Variants in EEF1D observed in about 807,000 individuals in gnomAD.
The protein encoded by EEF1D is elongation factor 1-delta.
In EEF1D, 47 loss-of-function variants were observed where a neutral mutation model predicts 63.9. The ratio of observed to expected loss-of-function variants is 0.74; its 90% CI spans 0.58 to 0.94. EEF1D has a LOEUF of 0.94. Ranked by LOEUF, EEF1D falls within the 40% of genes least tolerant of loss-of-function variation. EEF1D has a pLI of 0.00. For missense variants in EEF1D, 907 were observed against 899.0 expected (o/e 1.01, Z -0.11); for synonymous variants, 412 against 386.1 (o/e 1.07, Z -0.79).
chr8:143,581,463 A>AG lies in EEF1D; in HGVS notation c.1288-136dup, dbSNP rs138340554. ...CAGGAGGTGCCCCCCGCTGATGCCC[A>AG]GCTCAAACTTATGACCTCAGAGGTG... On this transcript the variant is annotated intron_variant, in intron 5 of 9. Transcript: ENST00000618139. 3,066 of 736,712 alleles carry AG rather than the reference A, an allele frequency of 4.2e-3. 56 individuals carry two copies. The African/African-American group carries it at 0.047, about 11-fold the overall frequency. 45.6% of individuals were successfully genotyped at this position (736,712 alleles called of 1,614,324 possible).
chr8:143,594,677 G>C (rs1828504281), intron 1 of EEF1D, among the ~76,000 whole-genome samples: 2 of 152,328 alleles, frequency 1.3e-5, no homozygotes, highest in South Asian at 2.1e-4. Flanking sequence ...CACCGGCTCA[G>C]CCTGTGCACG....
In EEF1D at chr8:143,580,066, G is replaced by A. The variant is rs142515892; in HGVS notation, c.1851C>T (p.Asp617=). 4.1e-5 allele frequency: 66 copies of A among 1,613,922 alleles called. No homozygotes were observed. The East Asian group carries it at 7.8e-4, about 19-fold the overall frequency. Reference sequence around the variant, plus strand: ...CCAGCAAGTCTGTCCCCACCTTGTCGTCCTCCACCACACACTGAATCTGTA... The same window carrying A: ...CCAGCAAGTCTGTCCCCACCTTGTCATCCTCCACCACACACTGAATCTGTA... The part of the protein sequence containing the change: ...RKLQIQCVVE[D]DKVGTDLLEE... The change falls in exon 9 of 10, where the codon GAC becomes GAT. Residue 617 remains aspartate (D), a synonymous_variant. Coordinates refer to ENST00000618139, the MANE Select transcript of EEF1D (RefSeq NM_001130053.5).
rs766067734 is a variant in EEF1D at position 143,580,716 on chromosome 8, G to A, written c.1500C>T (p.Pro500=). The change falls in exon 8 of 10, where the codon CCC becomes CCT. Residue 500 remains proline (P), a synonymous_variant. Transcript: ENST00000618139. The stretch of plus-strand genomic sequence containing the variant: ...TGGCTGGGGGCTCCACTTGGCGCAT[G>A]GGAGATACGTGCTGCCACAGGGGAA... ...ATAPQTQHVS[P]MRQVEPPAKK... 1 of 1,613,276 alleles carries A rather than the reference G, an allele frequency of 6.2e-7. No homozygotes were observed. Among genetic ancestry groups the A allele is most frequent in the South Asian group, 1.1e-5 (1 of 91,086 alleles).
chr8:143,587,699 A>G (rs554655141), intron 3 of EEF1D: 2 of 152,358 alleles, frequency 1.3e-5, no homozygotes, highest in African/African-American at 4.8e-5. Flanking sequence ...GGGTCCTGAG[A>G]GCAAGAAGGT....
chr8:143,594,029 G>T, intron 1 of EEF1D: 1 of 521,272 alleles, frequency 1.9e-6, no homozygotes, highest in Non-Finnish European at 2.5e-6. Context: ...CAAACGGTCA[G>T]CCCCTTCGCT....
At chr8:143,579,917 TGGGACTCGCTCCCCACTGCCGTGGGG>T (rs1480355836) in intron 9 of EEF1D, 69 bp downstream of exon 9, 2 of 1,549,844 alleles carry the variant, frequency 1.3e-6, no homozygotes, top group Admixed American at 3.7e-5. Context: ...GGGTTCACTC[TGGGACTCGCTCCCCACTGCCGTGGGG>T]TGGAGTGCAG....
In EEF1D at chr8:143,590,675, C is replaced by T. The variant is rs533408908; in HGVS notation, c.1-594G>A. The T allele has an allele frequency of 3.1e-5, 22 of 716,728 alleles. No individual in the cohort carries two copies. In the South Asian group the frequency reaches 4.9e-4, roughly 16 times the overall value. 44.4% of individuals were successfully genotyped at this position (716,728 alleles called of 1,614,324 possible). On this transcript the variant is annotated intron_variant, in intron 2 of 9. Coordinates refer to ENST00000618139, the MANE Select transcript of EEF1D (RefSeq NM_001130053.5). Reference sequence around the variant, plus strand: ...ATCCCAACACTTTGGGAGGCCGAGGCGGGCGGATCACAGGGTCTGGAGACT... The same window carrying T: ...ATCCCAACACTTTGGGAGGCCGAGGTGGGCGGATCACAGGGTCTGGAGACT...
intron 2 of EEF1D, among the ~76,000 whole-genome samples, chr8:143,592,440 G>T (rs892136334): frequency 2.6e-5 from 4 of 151,902 alleles, no homozygotes; most frequent in African/African-American, 9.7e-5. Context: ...CCCAGGACAG[G>T]ACCCTGCTCA....
In EEF1D at chr8:143,581,316, C is replaced by T. The variant is rs1825508262; in HGVS notation, c.1300G>A (p.Gly434Arg). The change falls in exon 6 of 10, where the codon GGG becomes AGG. Residue 434 changes from glycine (G) to arginine (R), a missense_variant. By Grantham distance (125) the Gly-to-Arg change is moderately radical. Coordinates refer to ENST00000618139, the MANE Select transcript of EEF1D (RefSeq NM_001130053.5). ...QKSLAGSSGP[G>R]ASSGTSGDHG... is the part of the protein sequence containing the mutation. Reference sequence around the variant, plus strand: ...TCTCCGCTGGTGCCGCTGGAGGCCCCGGGGCCTGAGCTCTGCAAGGCAGGA... The same window carrying T: ...TCTCCGCTGGTGCCGCTGGAGGCCCTGGGGCCTGAGCTCTGCAAGGCAGGA... 3.7e-6 allele frequency: 6 copies of T among 1,611,222 alleles called. No individual in the cohort carries two copies. The highest frequency in any genetic ancestry group is 5.1e-6 in the Non-Finnish European group (6 of 1,179,808).
rs1412151688 is a variant in EEF1D, at chr8:143,580,586, G to A, written c.1630C>T (p.Arg544Trp). 6 of 1,613,468 alleles carry A rather than the reference G, an allele frequency of 3.7e-6. No individual in the cohort carries two copies. The highest frequency in any genetic ancestry group is 1.7e-5 in the Admixed American group (1 of 59,996). Residue 544 changes from arginine to tryptophan, a missense_variant, in exon 8 of 10, where the codon CGG (arginine) becomes TGG (tryptophan). Coordinates refer to ENST00000618139, the MANE Select transcript of EEF1D (RefSeq NM_001130053.5). ...DKEAAQLREE[R>W]LRQYAEKKAK... Reference sequence around the variant, plus strand: ...TTCTTCTCCGCGTACTGCCGTAGCCGCTCCTCCCGCAGCTGTGCCGCCTCC... The same window carrying A: ...TTCTTCTCCGCGTACTGCCGTAGCCACTCCTCCCGCAGCTGTGCCGCCTCC...
At position 143,579,836 on chromosome 8, in the gene EEF1D, G is replaced by A. The variant is rs772241821; in HGVS notation, c.1906-6C>T. The A allele has an allele frequency of 2.6e-6, 4 of 1,561,414 alleles. No individual in the cohort carries two copies. The highest frequency in any genetic ancestry group is 3.5e-6 in the Non-Finnish European group (4 of 1,150,902). On this transcript the variant is annotated splice_region_variant and splice_polypyrimidine_tract_variant and intron_variant, in intron 9 of 9. Transcript: ENST00000618139. ...GCGATATCGACACTCTGCACCTGAG[G>A]AGAGGCGGAGGGTGACGGTCAGGGC... is the stretch of plus-strand genomic sequence containing the variant.
Position 143,581,336 on chromosome 8 carries a change from G to T in EEF1D, c.1288-8C>A. 1 of 1,608,906 alleles carries T rather than the reference G, an allele frequency of 6.2e-7. No individual in the cohort carries two copies. The highest frequency in any genetic ancestry group is 1.1e-5 in the South Asian group (1 of 90,632). ...GGCCCCGGGGCCTGAGCTCTGCAAGGCAGGAGGAGGGGAGGGCTCAGTGCC... is the reference window on the plus strand; with the variant it reads ...GGCCCCGGGGCCTGAGCTCTGCAAGTCAGGAGGAGGGGAGGGCTCAGTGCC... On this transcript the variant is annotated splice_polypyrimidine_tract_variant and splice_region_variant and intron_variant, in intron 5 of 9. Transcript: ENST00000618139.
Position 143,581,236 on chromosome 8 carries a change from C to G in EEF1D, c.1380G>C (p.Leu460=), listed in dbSNP as rs11548164. ...ACTGGCCCGGGGCCTCACCGCCACG[C>G]AGACTCTGGTTCTCCACTTCCAGAC... ...IASLEVENQS[L]RGVVQELQQA... The change falls in exon 6 of 10, where the codon CTG becomes CTC. Residue 460 remains leucine (L), a synonymous_variant. Coordinates refer to ENST00000618139, the MANE Select transcript of EEF1D (RefSeq NM_001130053.5). 1.9e-6 allele frequency: 3 copies of G among 1,612,780 alleles called. No homozygotes were observed. The highest frequency in any genetic ancestry group is 2.5e-6 in the Non-Finnish European group (3 of 1,179,964).
chr8:143,582,543 TC>T (rs1587113609), intron 5 of EEF1D: 1 of 152,248 alleles, frequency 6.6e-6, no homozygotes, highest in African/African-American at 2.4e-5. Flanking sequence ...ACCTGAGGCC[TC>T]ATGCACCCCA....
Position 143,580,684 on chromosome 8 carries a change from G to A in EEF1D, c.1532C>T (p.Pro511Leu). 6.2e-7 allele frequency: 1 copy of A among 1,613,884 alleles called. No individual in the cohort carries two copies. The highest frequency in any genetic ancestry group is 8.5e-7 in the Non-Finnish European group (1 of 1,180,000). Residue 511 changes from proline to leucine, a missense_variant, in exon 8 of 10, where the codon CCA becomes CTA. Pro to Leu is a moderately conservative substitution (Grantham distance 98). Transcript: ENST00000618139. ...CTCGTCATCCTCTGCTGGTGTGGCT[G>A]GCTTCTTGGCTGGGGGCTCCACTTG... ...MRQVEPPAKK[P>L]ATPAEDDEDD...
chr8:143,586,530 C>A (rs1281361356), intron 4 of EEF1D, among the ~76,000 whole-genome samples, 199 bp downstream of exon 4: 2 of 152,154 alleles, frequency 1.3e-5, no homozygotes, highest in Non-Finnish European at 2.9e-5. Context: ...GCACAGGCGC[C>A]GGCAGGAGGG....
intron 3 of EEF1D, 167 bp downstream of exon 3, chr8:143,588,821 GCAC>G (rs1827225946): frequency 1.1e-6 from 1 of 910,322 alleles, no homozygotes; most frequent in Non-Finnish European, 1.6e-6. Context: ...CACAAGCGCA[GCAC>G]CACCTTTACT....
chr8:143,580,369 GT>G, intron 8 of EEF1D, 136 bp downstream of exon 8: 1 of 1,276,476 alleles, frequency 7.8e-7, no homozygotes, highest in Non-Finnish European at 1.1e-6. Context: ...CCAAGTTTGT[GT>G]TTATCCCAAG....
intron 1 of EEF1D, chr8:143,593,887 G>C (rs1378436819): frequency 1.0e-6 from 1 of 985,328 alleles, no homozygotes; most frequent in East Asian, 1.1e-4. Flanking sequence ...GCCGGACGCA[G>C]CGCACCATCT....
Sources: gnomAD v4.1 joint callset for allele counts (sites outside exome capture counted in the v4.1 genomes callset) on GRCh38, gnomAD v4.1.1 for gene constraint, MANE v1.5 for transcripts, NCBI Gene and HGNC (gene_info 2026-07-23, HGNC 2026-07-21) for gene names.